The following PTPRD variants were observed in gnomAD, a reference collection of about 807,000 sequenced individuals.
PTPRD encodes the protein protein tyrosine phosphatase receptor type D.
PTPRD carries 34 observed loss-of-function variants against 214.5 expected under a neutral mutation model. The observed-to-expected ratio is 0.16, with a 90% CI of 0.12 to 0.21. The LOEUF (loss-of-function observed/expected upper bound fraction) is 0.21. PTPRD is among the 10% of genes least tolerant of loss of function. PTPRD has a pLI of 1.00. For missense variants in PTPRD, 2,545 were observed against 2,398.7 expected, an observed-to-expected ratio of 1.06 and a Z score of -1.27; for synonymous variants, 1,128 against 845.7, an observed-to-expected ratio of 1.33 and a Z score of -5.79.
chr9:10,444,752 T>C (rs1262243989), intron 2 of PTPRD, among the ~76,000 whole-genome samples: 1 of 151,834 alleles, frequency 6.6e-6, no homozygotes, highest in Non-Finnish European at 1.5e-5. Flanking sequence ...TACAATAAAG[T>C]GTAATAAAAG....
chr9:10,018,600 T>C (rs1201204944), intron 4 of PTPRD, among the ~76,000 whole-genome samples: 3 of 124,980 alleles, frequency 2.4e-5, no homozygotes, highest in African/African-American at 8.9e-5. Flanking sequence ...CAGGCTGGAG[T>C]GCAGTGGCGG....
chr9:9,602,880 A>C (rs2093880718), intron 7 of PTPRD, among the ~76,000 whole-genome samples: 1 of 152,184 alleles, frequency 6.6e-6, no homozygotes. Flanking sequence ...TTCAGCAACC[A>C]CATATTATAA....
At chr9:9,635,926 C>T (rs2095751417) in intron 7 of PTPRD, among the ~76,000 whole-genome samples, 1 of 152,142 alleles carries the variant, frequency 6.6e-6, no homozygotes, top group Admixed American at 6.6e-5. Context: ...TTTTAAGTCC[C>T]ATTCACAGCA....
intron 42 of PTPRD, among the ~76,000 whole-genome samples, chr9:8,339,941 G>T (rs746588489): frequency 6.6e-6 from 1 of 152,026 alleles, no homozygotes; most frequent in African/African-American, 2.4e-5. Flanking sequence ...GGAGTGAAAG[G>T]TAGGCAAGTA....
At chr9:9,497,360 G>C (rs72706511) in intron 8 of PTPRD, among the ~76,000 whole-genome samples, 6,278 of 152,140 alleles carry the variant, frequency 0.041, 167 homozygotes, top group Middle Eastern at 0.16. Flanking sequence ...TTCTTCTCTA[G>C]TCTATATTTT....
chr9:9,213,792 C>A (rs1364551253), intron 9 of PTPRD, among the ~76,000 whole-genome samples: 1 of 152,084 alleles, frequency 6.6e-6, no homozygotes, highest in Admixed American at 6.6e-5. Flanking sequence ...TCACAGCATT[C>A]CTTTTGATCA....
chr9:9,526,514 CTA>C (rs1295772257), intron 8 of PTPRD, among the ~76,000 whole-genome samples: 5 of 152,080 alleles, frequency 3.3e-5, no homozygotes, highest in Non-Finnish European at 7.4e-5. Context: ...AAAATACAGA[CTA>C]GAGTTTTTAT....
At chr9:8,329,628 G>A (rs138255463) in intron 44 of PTPRD, among the ~76,000 whole-genome samples, 1,559 of 152,208 alleles carry the variant, frequency 0.01, 55 homozygotes, top group Admixed American at 0.062. Context: ...TGCCCCTTCC[G>A]CCAGGTGCTT....
At position 9,566,731 on chromosome 9, in the gene PTPRD, T is replaced by C. The variant is rs114200472; in HGVS notation, c.-237+8001A>G. ...ATAACTAATTATATTTCATAGATCA[T>C]CCTTTGTCAGTAAAGTTTTGGGGCA... On this transcript the variant is annotated intron_variant, in intron 8 of 45. Transcript: ENST00000381196. Among the ~76,000 whole-genome samples, 1,120 of 152,214 alleles carry C rather than the reference T, an allele frequency of 7.4e-3. 11 individuals carry two copies. Among genetic ancestry groups the C allele is most frequent in the African/African-American group, 0.025 (1,058 of 41,558 alleles).
At chr9:9,929,932 T>C (rs1360137995) in intron 5 of PTPRD, among the ~76,000 whole-genome samples, 1 of 152,212 alleles carries the variant, frequency 6.6e-6, no homozygotes, top group Non-Finnish European at 1.5e-5. Context: ...GGTCACAATA[T>C]AATGAGGACA....
chr9:9,459,140 C>T (rs1313898793), intron 8 of PTPRD, among the ~76,000 whole-genome samples: 1 of 151,984 alleles, frequency 6.6e-6, no homozygotes, highest in Non-Finnish European at 1.5e-5. Flanking sequence ...AATGGCCCCA[C>T]AGGAGATAGT....
chr9:9,810,629 G>T (rs1002206659), intron 5 of PTPRD, among the ~76,000 whole-genome samples: 1 of 151,316 alleles, frequency 6.6e-6, no homozygotes, highest in Admixed American at 6.6e-5. Flanking sequence ...AAAAGATTTC[G>T]TTTAAAATAC....
At chr9:9,862,989 G>T (rs1441033171) in intron 5 of PTPRD, among the ~76,000 whole-genome samples, 1 of 152,150 alleles carries the variant, frequency 6.6e-6, no homozygotes, top group Middle Eastern at 3.4e-3. Context: ...AATAATATAG[G>T]AGACTTAAGA....
chr9:9,341,560 T>A (rs1304948165), intron 9 of PTPRD, among the ~76,000 whole-genome samples: 1 of 152,126 alleles, frequency 6.6e-6, no homozygotes, highest in East Asian at 1.9e-4. Flanking sequence ...GGACTTCCAC[T>A]TACTGCTTGG....
chr9:8,530,502 T>A (rs1177321651), intron 14 of PTPRD, among the ~76,000 whole-genome samples: 1 of 152,084 alleles, frequency 6.6e-6, no homozygotes, highest in Non-Finnish European at 1.5e-5. Context: ...CAGCGGCTAC[T>A]CAAATCCACT....
intron 5 of PTPRD, among the ~76,000 whole-genome samples, chr9:9,776,159 G>T (rs1162291842): frequency 6.6e-6 from 1 of 151,890 alleles, no homozygotes; most frequent in African/African-American, 2.4e-5. Context: ...TAAACCACTT[G>T]CTGTCCACTG....
intron 14 of PTPRD, among the ~76,000 whole-genome samples, chr9:8,583,270 C>T (rs541740096): frequency 7.9e-5 from 12 of 151,890 alleles, no homozygotes; most frequent in African/African-American, 2.7e-4. Flanking sequence ...CAGCCCAGTT[C>T]TTAACAGGCC....
intron 9 of PTPRD, among the ~76,000 whole-genome samples, chr9:9,218,619 G>A (rs1348565108): frequency 6.6e-6 from 1 of 152,124 alleles, no homozygotes; most frequent in African/African-American, 2.4e-5. Context: ...TAATAGGACA[G>A]GTAAGACTGG....
At chr9:8,919,959 C>T (rs367707004) in intron 11 of PTPRD, among the ~76,000 whole-genome samples, 54 of 149,242 alleles carry the variant, frequency 3.6e-4, no homozygotes, top group South Asian at 1.1e-3. Flanking sequence ...TGTATGTATA[C>T]GTGTGTATGC....
Sources: allele counts gnomAD v4.1 joint callset (sites outside exome capture counted in the v4.1 genomes callset), GRCh38; gene constraint gnomAD v4.1.1; transcripts MANE v1.5; gene names NCBI Gene and HGNC (gene_info 2026-07-23, HGNC 2026-07-21).